The following INPP5D variants were observed in gnomAD, a reference collection of about 807,000 sequenced individuals.
INPP5D encodes the protein phosphatidylinositol 3,4,5-trisphosphate 5-phosphatase 1.
A neutral mutation model predicts 122.9 loss-of-function variants in INPP5D; 33 were observed. That is an observed-to-expected ratio of 0.27 (90% CI 0.20 to 0.36). The LOEUF (loss-of-function observed/expected upper bound fraction) is 0.36. Among genes scored for constraint, INPP5D ranks in the 10% least tolerant of loss-of-function variants. INPP5D has a pLI of 1.00. For synonymous variants in INPP5D, 584 were observed against 576.2 expected (o/e 1.01, Z -0.19); for missense variants, 1,053 against 1,412.7 (o/e 0.75, Z 4.08).
chr2:233,076,638 T>C (rs1691527722), intron 1 of INPP5D, among the ~76,000 whole-genome samples: 1 of 152,130 alleles, frequency 6.6e-6, no homozygotes, highest in South Asian at 2.1e-4. Context: ...TAAAAATAAC[T>C]CCAAAATATA....
Position 233,164,562 on chromosome 2 carries a change from G to C in INPP5D, c.1555+138G>C, listed in dbSNP as rs1694279249. On this transcript the variant is annotated intron_variant, in intron 13 of 26. Coordinates refer to ENST00000445964, the MANE Select transcript of INPP5D (RefSeq NM_001017915.3). The surrounding 1 kb of genome is among the most constrained non-coding windows in gnomAD (Gnocchi z 4.3). ...TCCTCAGATCCTGGCTCAGTCCTCAGCAAATAGGGGTGATTGGTCTCCCTG... is the reference window on the plus strand; with the variant it reads ...TCCTCAGATCCTGGCTCAGTCCTCACCAAATAGGGGTGATTGGTCTCCCTG... The C allele has an allele frequency of 7.8e-7, 1 of 1,287,598 alleles. No homozygotes were observed. The highest frequency in any genetic ancestry group is 1.5e-5 in the African/African-American group (1 of 67,214). The allele number at this position is 1,287,598 out of a possible 1,614,324, so 79.8% of individuals were successfully genotyped here.
intron 19 of INPP5D, 144 bp from the exon 20 acceptor site, chr2:233,184,264 G>C: frequency 1.7e-6 from 2 of 1,211,486 alleles, no homozygotes; most frequent in Non-Finnish European, 2.3e-6. Flanking sequence ...GCTGGATTTC[G>C]CTGTAGCTTT....
chr2:233,146,359 G>T lies in INPP5D; in HGVS notation c.835-8G>T, dbSNP rs574229969. 1.4e-6 allele frequency: 1 copy of T among 704,176 alleles called. No homozygotes were observed. Among genetic ancestry groups the T allele is most frequent in the Non-Finnish European group, 2.6e-6 (1 of 385,032 alleles). 43.6% of individuals were successfully genotyped at this position (704,176 alleles called of 1,614,324 possible). ...TTGACCCTCTGTCTCTAACGCTGCTGCCCACAGGTCAAGGCCTTGCTGCAC... is the reference window on the plus strand; with the variant it reads ...TTGACCCTCTGTCTCTAACGCTGCTTCCCACAGGTCAAGGCCTTGCTGCAC... On this transcript the variant is annotated splice_region_variant and splice_polypyrimidine_tract_variant and intron_variant, in intron 7 of 26. Transcript: ENST00000445964.
chr2:233,116,179 G>A (rs1470371452), intron 2 of INPP5D, among the ~76,000 whole-genome samples: 1 of 151,184 alleles, frequency 6.6e-6, no homozygotes, highest in Admixed American at 6.6e-5. Context: ...TCTGAAGGGA[G>A]GGCTACTCTG....
At chr2:233,134,658 A>G (rs1413905894) in intron 5 of INPP5D, among the ~76,000 whole-genome samples, 3 of 152,200 alleles carry the variant, frequency 2.0e-5, no homozygotes, top group African/African-American at 7.2e-5. Context: ...CCAGAGAGAG[A>G]GAATAAGGAA....
chr2:233,102,221 T>G (rs1692334659), intron 2 of INPP5D, among the ~76,000 whole-genome samples: 1 of 152,092 alleles, frequency 6.6e-6, no homozygotes, highest in African/African-American at 2.4e-5. Context: ...CATTAAAAAA[T>G]CGGAGATTTC....
At chr2:233,142,092 G>A (rs1289179135) in intron 6 of INPP5D, among the ~76,000 whole-genome samples, 3 of 152,184 alleles carry the variant, frequency 2.0e-5, no homozygotes, top group Non-Finnish European at 2.9e-5. Flanking sequence ...GATTAGAAGC[G>A]AGAAAAAGCC....
chr2:233,129,107 A>C (rs1693247976), intron 4 of INPP5D, among the ~76,000 whole-genome samples: 1 of 152,104 alleles, frequency 6.6e-6, no homozygotes. Context: ...TGGAGGTTGC[A>C]GTGAGCCGAG....
chr2:233,159,555 G>A (rs913305050), intron 10 of INPP5D, among the ~76,000 whole-genome samples: 6 of 151,632 alleles, frequency 4.0e-5, no homozygotes, highest in Admixed American at 3.9e-4. Flanking sequence ...ATAGCTGGGT[G>A]TGGTGGCATG....
intron 2 of INPP5D, among the ~76,000 whole-genome samples, chr2:233,095,197 T>A (rs1692104196): frequency 6.6e-6 from 1 of 152,210 alleles, no homozygotes; most frequent in Non-Finnish European, 1.5e-5. Flanking sequence ...GTGATATTGT[T>A]GTAGGATAGT....
chr2:233,170,731 G>T lies in INPP5D; in HGVS notation c.1900+127G>T. ...ATCCTGGCTAACACAGTGAAACCCCGTCTCTACTTAAAAAAATACAAAAAA... is the reference window on the plus strand; with the variant it reads ...ATCCTGGCTAACACAGTGAAACCCCTTCTCTACTTAAAAAAATACAAAAAA... On this transcript the variant is annotated intron_variant, in intron 16 of 26. Transcript: ENST00000445964. The surrounding 1 kb of genome is among the most constrained non-coding windows in gnomAD (Gnocchi z 4.5). The T allele has an allele frequency of 7.6e-7, 1 of 1,313,082 alleles. No homozygotes were observed. 81.3% of individuals were successfully genotyped at this position (1,313,082 alleles called of 1,614,324 possible).
chr2:233,156,877 C>T (rs1400365866), intron 9 of INPP5D, among the ~76,000 whole-genome samples: 3 of 152,146 alleles, frequency 2.0e-5, no homozygotes, highest in Admixed American at 6.5e-5. Context: ...GGAGCCCTCC[C>T]GAAATCTAAG....
At chr2:233,149,491 C>T (rs1010147769) in intron 9 of INPP5D, among the ~76,000 whole-genome samples, 3 of 152,166 alleles carry the variant, frequency 2.0e-5, no homozygotes, top group African/African-American at 7.2e-5. Flanking sequence ...CTCTCTGTCC[C>T]TGTGTCCTTG....
At chr2:233,090,624 C>G (rs1691966001) in intron 2 of INPP5D, among the ~76,000 whole-genome samples, 1 of 152,154 alleles carries the variant, frequency 6.6e-6, no homozygotes, top group Non-Finnish European at 1.5e-5. Flanking sequence ...ATAGTCCCAG[C>G]CTTTAAAGAG....
At position 233,170,352 on chromosome 2, in the gene INPP5D, C is replaced by A; in HGVS notation, c.1792-144C>A. The A allele has an allele frequency of 6.7e-7, 1 of 1,490,166 alleles. No homozygotes were observed. The highest frequency in any genetic ancestry group is 9.0e-7 in the Non-Finnish European group (1 of 1,109,416). The allele number at this position is 1,490,166 out of a possible 1,614,324, so 92.3% of individuals were successfully genotyped here. ...TCCTCACGGTTCCCCTGTGCTCACA[C>A]CCGGTTCCCATAACTGTCACAGCCA... On this transcript the variant is annotated intron_variant, in intron 15 of 26. Transcript: ENST00000445964. The surrounding 1 kb of genome is among the most constrained non-coding windows in gnomAD (Gnocchi z 4.5).
At chr2:233,091,829 T>C (rs1329655901) in intron 2 of INPP5D, among the ~76,000 whole-genome samples, 1 of 152,228 alleles carries the variant, frequency 6.6e-6, no homozygotes, top group East Asian at 1.9e-4. Context: ...ATTTATTATC[T>C]GTCTCCACCA....
Position 233,170,008 on chromosome 2 carries a change from G to T in INPP5D, c.1653-18G>T. On this transcript the variant is annotated intron_variant, in intron 14 of 26. Transcript: ENST00000445964. This position sits in a 1 kb window ranked among gnomAD's most constrained non-coding sequence, Gnocchi z 4.5. ...ACCAGTGACCCCGTGCTAGATGGCC[G>T]CTTTTTCCTTGCATTAGGCGAAACC... The T allele has an allele frequency of 6.2e-7, 1 of 1,613,954 alleles. No individual in the cohort carries two copies. Among genetic ancestry groups the T allele is most frequent in the South Asian group, 1.1e-5 (1 of 91,082 alleles).
chr2:233,149,204 A>C (rs1047563580), intron 9 of INPP5D, among the ~76,000 whole-genome samples: 1 of 149,504 alleles, frequency 6.7e-6, no homozygotes, highest in Non-Finnish European at 1.5e-5. Context: ...CCTGGGTTCA[A>C]GTGATTCTTC....
rs746407643 is a variant in INPP5D at position 233,122,235 on chromosome 2, C to T, written c.327C>T (p.Gly109=). Residue 109 remains glycine, a synonymous_variant, in exon 3 of 27, where the codon GGC becomes GGT. Coordinates refer to ENST00000445964, the MANE Select transcript of INPP5D (RefSeq NM_001017915.3). The stretch of plus-strand genomic sequence containing the variant: ...TGCCGCTGGAGGAAGAGGACACAGG[C>T]GACGACCCTGAGGAGGACACAGGTA... The part of the protein sequence containing the change: ...YPVPLEEEDT[G]DDPEEDTVES... The T allele has an allele frequency of 3.1e-6, 5 of 1,613,756 alleles. No individual in the cohort carries two copies. Among genetic ancestry groups the T allele is most frequent in the South Asian group, 2.2e-5 (2 of 91,076 alleles).
Sources: gnomAD v4.1 joint callset for allele counts (sites outside exome capture counted in the v4.1 genomes callset) on GRCh38, gnomAD v4.1.1 for gene constraint, Gnocchi (gnomAD v3.1) non-coding constraint, MANE v1.5 for transcripts, NCBI Gene and HGNC (gene_info 2026-07-23, HGNC 2026-07-21) for gene names.